The following SAMSN1 variants were observed in gnomAD, a reference collection of about 807,000 sequenced individuals.
SAMSN1 encodes the protein SAM domain-containing protein SAMSN-1.
SAMSN1 carries 31 observed loss-of-function variants against 42.0 expected under a neutral mutation model. The ratio of observed to expected loss-of-function variants is 0.74; its 90% CI spans 0.55 to 1.00. The LOEUF (loss-of-function observed/expected upper bound fraction) is 1.00, where lower values mean the gene tolerates loss of function less well. Ranked by LOEUF, SAMSN1 falls within the 50% of genes least tolerant of loss-of-function variation. The probability of loss-of-function intolerance (pLI) is 0.00; values close to 1 mark genes in which losing one functional copy is unlikely to be tolerated. For synonymous variants in SAMSN1, 178 were observed against 151.9 expected, an observed-to-expected ratio of 1.17 and a Z score of -1.26; for missense variants, 464 against 439.4, an observed-to-expected ratio of 1.06 and a Z score of -0.50.
chr21:14,503,274 T>A (rs1259089946), intron 5 of SAMSN1, among the ~76,000 whole-genome samples: 1 of 152,180 alleles, frequency 6.6e-6, no homozygotes, highest in Non-Finnish European at 1.5e-5. Flanking sequence ...TTTTTCCTGT[T>A]CATCCTGAAA....
At chr21:14,507,499 G>A (rs1465383052) in intron 5 of SAMSN1, among the ~76,000 whole-genome samples, 1 of 152,158 alleles carries the variant, frequency 6.6e-6, no homozygotes, top group Non-Finnish European at 1.5e-5. Context: ...CTAAGGAGGT[G>A]AAAGACCTCC....
intron 2 of SAMSN1, among the ~76,000 whole-genome samples, chr21:14,574,197 C>T (rs932997170): frequency 3.3e-5 from 5 of 152,186 alleles, no homozygotes; most frequent in African/African-American, 1.2e-4. Flanking sequence ...GGGCCCCCAC[C>T]TCAGATTGTC....
chr21:14,514,057 T>C (rs1205063349), intron 3 of SAMSN1, among the ~76,000 whole-genome samples: 1 of 152,138 alleles, frequency 6.6e-6, no homozygotes, highest in Non-Finnish European at 1.5e-5. Flanking sequence ...ATGCTCCCTT[T>C]CAGTAACTGA....
intron 2 of SAMSN1, among the ~76,000 whole-genome samples, chr21:14,622,291 A>G (rs1983034815): frequency 6.6e-6 from 1 of 152,254 alleles, no homozygotes; most frequent in Non-Finnish European, 1.5e-5. Context: ...TGACAAGTTG[A>G]GAGAAGAAGG....
chr21:14,609,673 G>A, intron 4 of SAMSN1: 2 of 684,730 alleles, frequency 2.9e-6, no homozygotes, highest in South Asian at 3.2e-5. Context: ...TTTGCAACTT[G>A]GTAAGTGGTA....
chr21:14,651,523 G>C (rs462892), intron 1 of SAMSN1, among the ~76,000 whole-genome samples: 116,641 of 151,834 alleles, frequency 0.77, 45,311 homozygotes, highest in Middle Eastern at 0.89. Context: ...ACTGAGTCTA[G>C]AAGGAACATA....
At chr21:14,619,283 T>C (rs78255084) in intron 2 of SAMSN1, among the ~76,000 whole-genome samples, 4,542 of 152,304 alleles carry the variant, frequency 0.03, 215 homozygotes, top group African/African-American at 0.1. Flanking sequence ...AATGTAAATA[T>C]GTCAGGAGTT....
chr21:14,576,010 A>G (rs756283957), intron 2 of SAMSN1, among the ~76,000 whole-genome samples: 3 of 152,246 alleles, frequency 2.0e-5, no homozygotes, highest in Non-Finnish European at 4.4e-5. Context: ...AATAGTATGA[A>G]GATGTGAAGA....
chr21:14,582,207 G>A (rs2822785), exon 2 of SAMSN1: 662,631 of 1,550,290 alleles, frequency 0.43, 146,670 homozygotes, highest in Non-Finnish European at 0.46. Context: ...GAGGAGCAGT[G>A]GTCCCAGGGT....
chr21:14,534,525 T>TC (rs869101390), intron 1 of SAMSN1, among the ~76,000 whole-genome samples: 31 of 23,402 alleles, frequency 1.3e-3, no homozygotes, highest in Non-Finnish European at 6.5e-5. Context: ...ACTTTTTTTC[T>TC]TTTTTTTTTT....
chr21:14,563,435 CTT>C (rs34525215), intron 2 of SAMSN1, among the ~76,000 whole-genome samples: 4 of 152,150 alleles, frequency 2.6e-5, no homozygotes, highest in Non-Finnish European at 5.9e-5. Context: ...GTATGAAAAA[CTT>C]TTGTGTACAC....
At chr21:14,540,798 A>T (rs896900817) in intron 1 of SAMSN1, among the ~76,000 whole-genome samples, 10 of 152,346 alleles carry the variant, frequency 6.6e-5, no homozygotes, top group African/African-American at 2.2e-4. Flanking sequence ...TACCCAAAGG[A>T]TTATAAATCA....
chr21:14,645,170 G>A lies in SAMSN1; in HGVS notation c.25-2037C>T, dbSNP rs373697699. ...AGCCTGAGCGCTTTGAGTGAACACAGGCAGTAGCCAGGGAGTGGTTACAGC... is the reference window on the plus strand; with the variant it reads ...AGCCTGAGCGCTTTGAGTGAACACAAGCAGTAGCCAGGGAGTGGTTACAGC... On this transcript the variant is annotated intron_variant, in intron 1 of 15. Transcript: ENST00000647101. Among the ~76,000 whole-genome samples the A allele has an allele frequency of 3.9e-5, 6 of 152,328 alleles. No individual in the cohort carries two copies. In the South Asian group the frequency reaches 6.2e-4, roughly 16 times the overall value.
At chr21:14,523,255 A>C (rs1027056290) in intron 1 of SAMSN1, 7 of 152,156 alleles carry the variant, frequency 4.6e-5, no homozygotes, top group African/African-American at 1.7e-4. Context: ...AAGAACTGAA[A>C]TAAAAAGATC....
chr21:14,519,493 C>CAT (rs1250354494), intron 2 of SAMSN1, among the ~76,000 whole-genome samples: 8 of 151,686 alleles, frequency 5.3e-5, no homozygotes, highest in South Asian at 2.1e-4. Flanking sequence ...TCTCTCTCTC[C>CAT]ATATATATAC....
At chr21:14,528,121 G>T (rs1271772041) in intron 1 of SAMSN1, among the ~76,000 whole-genome samples, 1 of 152,052 alleles carries the variant, frequency 6.6e-6, no homozygotes, top group Non-Finnish European at 1.5e-5. Flanking sequence ...CTATTAAAAA[G>T]GAAATGAAAA....
intron 7 of SAMSN1, among the ~76,000 whole-genome samples, chr21:14,486,847 T>G (rs1986454875): frequency 6.6e-6 from 1 of 152,216 alleles, no homozygotes; most frequent in Admixed American, 6.5e-5. Context: ...TAAAGCAGTG[T>G]TCTATATTCA....
chr21:14,553,959 C>T (rs780818976), intron 2 of SAMSN1, among the ~76,000 whole-genome samples: 10 of 152,120 alleles, frequency 6.6e-5, no homozygotes, highest in Non-Finnish European at 1.5e-4. Flanking sequence ...TTTGTTCTCT[C>T]CATCTGGAAA....
intron 2 of SAMSN1, among the ~76,000 whole-genome samples, chr21:14,581,236 A>G (rs1463397075): frequency 3.4e-5 from 5 of 148,938 alleles, no homozygotes; most frequent in African/African-American, 7.4e-5. Flanking sequence ...AGCAAGACCT[A>G]GGTTATAGGT....
Sources: gnomAD v4.1 joint callset for allele counts (sites outside exome capture counted in the v4.1 genomes callset) on GRCh38, gnomAD v4.1.1 for gene constraint, MANE v1.5 for transcripts, NCBI Gene and HGNC (gene_info 2026-07-23, HGNC 2026-07-21) for gene names.